The following HSPA4L variants were observed in gnomAD, a reference collection of about 807,000 sequenced individuals.
HSPA4L encodes the protein heat shock 70 kDa protein 4L.
HSPA4L carries 48 observed loss-of-function variants against 100.3 expected under a neutral mutation model. The ratio of observed to expected loss-of-function variants is 0.48; its 90% confidence interval spans 0.38 to 0.61. The LOEUF (loss-of-function observed/expected upper bound fraction) is 0.61. Among genes scored for constraint, HSPA4L ranks in the 20% least tolerant of loss-of-function variants. The probability of loss-of-function intolerance (pLI) is 0.00; values close to 1 mark genes in which losing one functional copy is unlikely to be tolerated. For missense variants in HSPA4L, 886 were observed against 988.6 expected, an observed-to-expected ratio of 0.90 and a Z score of 1.39; for synonymous variants, 319 against 328.2, an observed-to-expected ratio of 0.97 and a Z score of 0.30.
At position 127,832,952 on chromosome 4, in the gene HSPA4L, C is replaced by G. The variant is rs1159989081; in HGVS notation, c.*78C>G. ...CATCTTTTACATCTGGTACACACAA[C>G]AGACGCTCAGTTGTTCTTAACCACT... is the stretch of plus-strand genomic sequence containing the variant. On this transcript the variant is annotated 3_prime_UTR_variant, in exon 19 of 19. Coordinates refer to ENST00000296464, the MANE Select transcript of HSPA4L (RefSeq NM_014278.4). 1.9e-6 allele frequency: 2 copies of G among 1,043,556 alleles called. No homozygotes were observed. Among genetic ancestry groups the G allele is most frequent in the Admixed American group, 5.3e-5 (2 of 38,060 alleles). 64.6% of individuals were successfully genotyped at this position (1,043,556 alleles called of 1,614,324 possible). A position where few individuals can be genotyped will look rare whatever the true frequency, so the allele number is the denominator to read the frequency against.
intron 6 of HSPA4L, among the ~76,000 whole-genome samples, chr4:127,802,954 G>A (rs959907972): frequency 6.6e-6 from 1 of 152,120 alleles, no homozygotes; most frequent in African/African-American, 2.4e-5. Context: ...AGTGACTGTT[G>A]TAAGTAGTCA....
rs1578728336 is a variant in HSPA4L, at chr4:127,832,711, T to C, written c.2357T>C (p.Ile786Thr). The change falls in exon 19 of 19, where the codon ATT becomes ACT. Residue 786 changes from isoleucine (I) to threonine (T), a missense_variant. Coordinates refer to ENST00000296464, the MANE Select transcript of HSPA4L (RefSeq NM_014278.4). ...CTGGATAATTTCTGTAACCCCATCATTTACAAGCCCAAACCAAAAGCAGAA... is the reference window on the plus strand; with the variant it reads ...CTGGATAATTTCTGTAACCCCATCACTTACAAGCCCAAACCAAAAGCAGAA... ...KELDNFCNPI[I>T]YKPKPKAEVP... 1 of 1,611,552 alleles carries C rather than the reference T, an allele frequency of 6.2e-7. No individual in the cohort carries two copies. Among genetic ancestry groups the C allele is most frequent in the East Asian group, 2.2e-5 (1 of 44,822 alleles).
chr4:127,794,211 T>C (rs1248929427), intron 2 of HSPA4L, 77 bp downstream of exon 2: 1 of 1,123,296 alleles, frequency 8.9e-7, no homozygotes, highest in Non-Finnish European at 1.3e-6. Context: ...TTAAGTTATA[T>C]TGTTAAGAGT....
intron 10 of HSPA4L, among the ~76,000 whole-genome samples, chr4:127,807,229 G>C (rs770551986): frequency 3.3e-5 from 5 of 151,850 alleles, no homozygotes; most frequent in Admixed American, 1.3e-4. Flanking sequence ...TGGTTTCTGG[G>C]CCACTATAAC....
At chr4:127,796,384 A>T (rs918836242) in intron 3 of HSPA4L, among the ~76,000 whole-genome samples, 1 of 152,122 alleles carries the variant, frequency 6.6e-6, no homozygotes, top group Non-Finnish European at 1.5e-5. Context: ...TAACCAAAAC[A>T]TGTTTGTGCT....
intron 1 of HSPA4L, among the ~76,000 whole-genome samples, chr4:127,784,679 G>A (rs765684643): frequency 6.6e-5 from 10 of 152,228 alleles, no homozygotes; most frequent in Non-Finnish European, 1.0e-4. Context: ...GTACTTCATG[G>A]TAGTGTAGTG....
chr4:127,793,080 C>A (rs982292844), intron 1 of HSPA4L, among the ~76,000 whole-genome samples: 1 of 152,142 alleles, frequency 6.6e-6, no homozygotes, highest in East Asian at 1.9e-4. Context: ...TGAGATAGGG[C>A]ACCATTGGAG....
intron 2 of HSPA4L, 84 bp downstream of exon 2, chr4:127,794,218 G>C: frequency 9.9e-7 from 1 of 1,013,528 alleles, no homozygotes; most frequent in Non-Finnish European, 1.5e-6. Context: ...ATATTGTTAA[G>C]AGTGAATAAG....
intron 6 of HSPA4L, among the ~76,000 whole-genome samples, chr4:127,802,759 G>A (rs9997998): frequency 1 from 151,932 of 152,252 alleles, 75,806 homozygotes; most frequent in East Asian, 1. Flanking sequence ...TTTTGCATTT[G>A]ATTTTGGGTA....
rs1734178412 is a variant in HSPA4L at position 127,835,296 on chromosome 4, T to C, written c.*2422T>C. ...AGTATACTTTGGCTCTGTGGAAAAG[T>C]GTAAATTGTGGTTTTAGAAACCAAC... On this transcript the variant is annotated 3_prime_UTR_variant, in exon 19 of 19. Transcript: ENST00000296464. The C allele has an allele frequency of 6.6e-6, 1 of 152,230 alleles. No homozygotes were observed. Among genetic ancestry groups the C allele is most frequent in the Non-Finnish European group, 1.5e-5 (1 of 68,038 alleles). 9.4% of individuals were successfully genotyped at this position (152,230 alleles called of 1,614,324 possible). A position where few individuals can be genotyped will look rare whatever the true frequency, so the allele number is the denominator to read the frequency against.
intron 14 of HSPA4L, among the ~76,000 whole-genome samples, chr4:127,822,252 T>G (rs1733833316): frequency 3.9e-5 from 6 of 152,200 alleles, no homozygotes. Context: ...TCATGTTAAG[T>G]GGGATTATAC....
rs1018984019 is a variant in HSPA4L, at chr4:127,782,477, G to A, written c.-74G>A. ...TCTGGTAGGAGTCGCAATCCCAGCA[G>A]CAATAGCCCAGAAGAGGACACGGTT... On this transcript the variant is annotated 5_prime_UTR_variant, in exon 1 of 19. Transcript: ENST00000296464. 1 of 1,239,606 alleles carries A rather than the reference G, an allele frequency of 8.1e-7. No homozygotes were observed. Among genetic ancestry groups the A allele is most frequent in the Non-Finnish European group, 1.2e-6 (1 of 846,828 alleles). The allele number at this position is 1,239,606 out of a possible 1,614,324, so 76.8% of individuals were successfully genotyped here. A position where few individuals can be genotyped will look rare whatever the true frequency, so the allele number is the denominator to read the frequency against.
chr4:127,798,751 T>A, intron 4 of HSPA4L, 42 bp downstream of exon 4: 4 of 1,581,144 alleles, frequency 2.5e-6, no homozygotes, highest in Non-Finnish European at 3.5e-6. Flanking sequence ...AATTATATTT[T>A]ACAGTGTATT....
intron 11 of HSPA4L, chr4:127,809,328 T>C: frequency 8.6e-7 from 1 of 1,168,112 alleles, no homozygotes; most frequent in Non-Finnish European, 1.3e-6. Context: ...TAAGGACTTC[T>C]GGGATCACGC....
Position 127,805,237 on chromosome 4 carries a change from T to G in HSPA4L, c.1137+13T>G. On this transcript the variant is annotated intron_variant, in intron 9 of 18. Transcript: ENST00000296464. ...ATGTGCGTTACAGGTATAATTGTTA[T>G]TTTATTTTTTAGAATATGTATTTTG... 10 of 1,576,398 alleles carry G rather than the reference T, an allele frequency of 6.3e-6. No individual in the cohort carries two copies. The highest frequency in any genetic ancestry group is 8.6e-6 in the Non-Finnish European group (10 of 1,162,142).
chr4:127,812,726 T>G, intron 12 of HSPA4L: 1 of 1,077,284 alleles, frequency 9.3e-7, no homozygotes, highest in Non-Finnish European at 1.4e-6. Context: ...ACCTATGCCA[T>G]GAATTCATAG....
chr4:127,820,656 A>C (rs907126131), intron 14 of HSPA4L, 91 bp downstream of exon 14: 11 of 1,170,640 alleles, frequency 9.4e-6, no homozygotes, highest in African/African-American at 1.6e-5. Flanking sequence ...TTAGGGCACT[A>C]GTTTATAACT....
chr4:127,833,035 G>A lies in HSPA4L; in HGVS notation c.*161G>A, dbSNP rs1320573945. On this transcript the variant is annotated 3_prime_UTR_variant, in exon 19 of 19. Coordinates refer to ENST00000296464, the MANE Select transcript of HSPA4L (RefSeq NM_014278.4). ...AGTGTTTTATATTGAGTGCACTTCT[G>A]TTCATTTCCATTGCTGCTTATATGC... The A allele has an allele frequency of 2.1e-6, 1 of 475,352 alleles. No homozygotes were observed. 29.4% of individuals were successfully genotyped at this position (475,352 alleles called of 1,614,324 possible). A position where few individuals can be genotyped will look rare whatever the true frequency, so the allele number is the denominator to read the frequency against.
rs149881971 is a variant in HSPA4L, at chr4:127,815,125, A to C, written c.1579-3200A>C. On this transcript the variant is annotated intron_variant, in intron 12 of 18. Coordinates refer to ENST00000296464, the MANE Select transcript of HSPA4L (RefSeq NM_014278.4). ...GCCCAGACATAAACCAGTGAACATCAGCAGGAGCCTTTTTTTTTTCTATGA... is the reference window on the plus strand; with the variant it reads ...GCCCAGACATAAACCAGTGAACATCCGCAGGAGCCTTTTTTTTTTCTATGA... 1.7e-4 allele frequency among the ~76,000 whole-genome samples: 26 copies of C among 151,780 alleles called. No homozygotes were observed. In the East Asian group the frequency reaches 4.2e-3, roughly 25 times the overall value.
Sources: gnomAD v4.1 joint callset for allele counts (sites outside exome capture counted in the v4.1 genomes callset) on GRCh38, gnomAD v4.1.1 for gene constraint, MANE v1.5 for transcripts, NCBI Gene and HGNC (gene_info 2026-07-23, HGNC 2026-07-21) for gene names.